Variants in MCPH1 observed in about 807,000 individuals in gnomAD.
The protein encoded by MCPH1 is microcephalin 1.
Under a neutral mutation model 84.5 loss-of-function variants are expected in MCPH1, and 104 were observed. The observed-to-expected ratio is 1.23, with a 90% CI of 1.05 to 1.45. The LOEUF (loss-of-function observed/expected upper bound fraction) is 1.45. Among genes scored for constraint, MCPH1 ranks in the 40% most tolerant of loss-of-function variants. The probability of loss-of-function intolerance (pLI) is 0.00; values close to 1 mark genes in which losing one functional copy is unlikely to be tolerated. For synonymous variants in MCPH1, 514 were observed against 366.8 expected (o/e 1.40, Z -4.58); for missense variants, 1,498 against 1,005.7 (o/e 1.49, Z -6.62).
intron 12 of MCPH1, among the ~76,000 whole-genome samples, chr8:6,590,487 T>A (rs939719978): frequency 6.6e-6 from 1 of 152,174 alleles, no homozygotes; most frequent in Non-Finnish European, 1.5e-5. Flanking sequence ...CTCAAACTCA[T>A]GTCAGATGCC....
At chr8:6,470,784 C>T (rs1433949569) in intron 9 of MCPH1, among the ~76,000 whole-genome samples, 1 of 152,208 alleles carries the variant, frequency 6.6e-6, no homozygotes, top group African/African-American at 2.4e-5. Context: ...CTTTATTATT[C>T]CACCATTATA....
intron 12 of MCPH1, 184 bp downstream of exon 12, chr8:6,500,113 G>C (rs1811859633): frequency 3.3e-6 from 2 of 614,462 alleles, no homozygotes; most frequent in South Asian, 1.9e-5. Flanking sequence ...GAGAACGTGA[G>C]ACCATTGTGC....
chr8:6,417,915 A>G (rs575415777), intron 3 of MCPH1, among the ~76,000 whole-genome samples: 210 of 152,248 alleles, frequency 1.4e-3, no homozygotes, highest in African/African-American at 4.9e-3. Flanking sequence ...ATTCTTTTCT[A>G]TTGTCGCAAA....
chr8:6,491,710 G>C (rs1440264313), intron 11 of MCPH1, among the ~76,000 whole-genome samples: 1 of 151,820 alleles, frequency 6.6e-6, no homozygotes, highest in Non-Finnish European at 1.5e-5. Flanking sequence ...CCACCTATGA[G>C]TGAGAACATG....
At position 6,520,621 on chromosome 8, in the gene MCPH1, C is replaced by G. The variant is rs142623036; in HGVS notation, c.2214+20692C>G. The stretch of plus-strand genomic sequence containing the variant: ...ATGTTGGCCACGCTGGTCTCCAACT[C>G]CTGTCCTCAAGTGATCTGCCTGCCT... On this transcript the variant is annotated intron_variant, in intron 12 of 13. Coordinates refer to ENST00000344683, the MANE Select transcript of MCPH1 (RefSeq NM_024596.5). 9.2e-3 allele frequency among the ~76,000 whole-genome samples: 1,404 copies of G among 152,268 alleles called. 25 individuals carry two copies. The highest frequency in any genetic ancestry group is 0.032 in the African/African-American group (1,336 of 41,542).
At chr8:6,633,444 T>C (rs537380030) in intron 13 of MCPH1, among the ~76,000 whole-genome samples, 8 of 152,330 alleles carry the variant, frequency 5.3e-5, no homozygotes, top group East Asian at 1.9e-4. Context: ...AGGCTAGCCA[T>C]GTAATACAGG....
At chr8:6,607,714 G>A (rs777076583) in intron 12 of MCPH1, among the ~76,000 whole-genome samples, 114 of 152,156 alleles carry the variant, frequency 7.5e-4, no homozygotes, top group Non-Finnish European at 1.2e-3. Context: ...TGGTGAATAA[G>A]GGGAAATGCC....
intron 2 of MCPH1, among the ~76,000 whole-genome samples, chr8:6,411,300 T>C (rs368798509): frequency 6.6e-6 from 1 of 152,152 alleles, no homozygotes; most frequent in South Asian, 2.1e-4. Context: ...TTTTATCTTA[T>C]AAGGAAGCCA....
At chr8:6,602,730 T>G (rs1436055034) in intron 12 of MCPH1, among the ~76,000 whole-genome samples, 1 of 152,108 alleles carries the variant, frequency 6.6e-6, no homozygotes, top group East Asian at 1.9e-4. Context: ...CCTTCCCTCT[T>G]AGTCACCTCT....
chr8:6,430,453 G>C (rs1801681162), intron 3 of MCPH1, among the ~76,000 whole-genome samples: 1 of 152,216 alleles, frequency 6.6e-6, no homozygotes, highest in Non-Finnish European at 1.5e-5. Context: ...ACCCTCAGAA[G>C]GGGGTCAGGG....
chr8:6,509,630 A>T lies in MCPH1; in HGVS notation c.2214+9701A>T, dbSNP rs189358014. 3.7e-4 allele frequency among the ~76,000 whole-genome samples: 56 copies of T among 152,334 alleles called. No individual in the cohort carries two copies. In the Middle Eastern group the frequency reaches 0.027, roughly 74 times the overall value. On this transcript the variant is annotated intron_variant, in intron 12 of 13. Coordinates refer to ENST00000344683, the MANE Select transcript of MCPH1 (RefSeq NM_024596.5). ...CTTTTAGACATTGAGAAAGGAACAA[A>T]TGTCGGAGTAAGTTAGACACTATTT...
intron 12 of MCPH1, among the ~76,000 whole-genome samples, chr8:6,538,173 GA>G (rs1460358761): frequency 1.3e-5 from 2 of 149,516 alleles, no homozygotes; most frequent in Non-Finnish European, 3.0e-5. Context: ...GTAAACCCTT[GA>G]ATTTTTCTAG....
chr8:6,458,171 G>T (rs1363326283), intron 9 of MCPH1, among the ~76,000 whole-genome samples: 2 of 152,072 alleles, frequency 1.3e-5, no homozygotes, highest in Admixed American at 6.6e-5. Flanking sequence ...AAAGACCAAG[G>T]CTTAAAGTCC....
intron 8 of MCPH1, chr8:6,446,714 G>T: frequency 1.0e-6 from 1 of 985,254 alleles, no homozygotes; most frequent in Non-Finnish European, 1.2e-6. Context: ...CATCTTTCCA[G>T]TTTTCACCTT....
intron 12 of MCPH1, among the ~76,000 whole-genome samples, chr8:6,613,202 A>G (rs1830447770): frequency 6.6e-6 from 1 of 152,144 alleles, no homozygotes; most frequent in Non-Finnish European, 1.5e-5. Context: ...GCCACGGCTG[A>G]GCGTGAGAAA....
At chr8:6,518,817 G>A (rs2442623) in intron 12 of MCPH1, among the ~76,000 whole-genome samples, 9,097 of 152,178 alleles carry the variant, frequency 0.06, 302 homozygotes, top group African/African-American at 0.077. Context: ...TTATCCAGTA[G>A]TTACATAACA....
chr8:6,571,470 G>A (rs1047104885), intron 12 of MCPH1, among the ~76,000 whole-genome samples: 11 of 152,118 alleles, frequency 7.2e-5, no homozygotes, highest in African/African-American at 2.7e-4. Context: ...AATATGTCCA[G>A]TCTCTTTGTC....
rs1055872740 is a variant in MCPH1 at position 6,459,690 on chromosome 8, G to A, written c.1935+4438G>A. Among the ~76,000 whole-genome samples, 53 of 152,326 alleles carry A rather than the reference G, an allele frequency of 3.5e-4. 1 individual carries two copies. Among genetic ancestry groups the A allele is most frequent in the African/African-American group, 1.2e-3 (50 of 41,570 alleles). ...ATTTCTGTAGTGAGGAAAATGATTT[G>A]AAACTCAGATGTGTCCCGTGGCCCT... On this transcript the variant is annotated intron_variant, in intron 9 of 13. Transcript: ENST00000344683.
intron 12 of MCPH1, among the ~76,000 whole-genome samples, chr8:6,521,614 G>A (rs117411847): frequency 2.9e-3 from 436 of 152,302 alleles, no homozygotes; most frequent in Middle Eastern, 6.8e-3. Context: ...AAACGTATAA[G>A]CATATATGTA....
Sources: gnomAD v4.1 joint callset for allele counts (sites outside exome capture counted in the v4.1 genomes callset) on GRCh38, gnomAD v4.1.1 for gene constraint, MANE v1.5 for transcripts, NCBI Gene and HGNC (gene_info 2026-07-23, HGNC 2026-07-21) for gene names.